CFAP47: variants seen among roughly 807,000 people sequenced by gnomAD.
CFAP47 encodes cilia- and flagella-associated protein 47.
A neutral mutation model predicts 148.1 loss-of-function variants in CFAP47; 29 were observed. The ratio of observed to expected loss-of-function variants is 0.20; its 90% CI spans 0.15 to 0.27. The LOEUF is 0.27. Among genes scored for constraint, CFAP47 ranks in the 10% least tolerant of loss-of-function variants. CFAP47 has a pLI of 1.00. For missense variants in CFAP47, 1,872 were observed against 1,697.5 expected (o/e 1.10, Z -1.81); for synonymous variants, 664 against 577.3 (o/e 1.15, Z -2.15).
intron 21 of CFAP47, among the ~76,000 whole-genome samples, chrX:36,012,678 T>A (rs1377900825): frequency 3.6e-5 from 4 of 110,496 alleles, no homozygotes; most frequent in African/African-American, 1.3e-4. Context: ...TTGGAGGGCA[T>A]GGGGAGGGAG....
intron 42 of CFAP47, among the ~76,000 whole-genome samples, chrX:36,191,619 T>A (rs1906338160): frequency 9.0e-6 from 1 of 111,468 alleles, no homozygotes; most frequent in Non-Finnish European, 1.9e-5. Context: ...ATATAATAGT[T>A]AATCAAACAT....
intron 35 of CFAP47, 67 bp downstream of exon 35, chrX:36,138,531 A>G: frequency 9.5e-7 from 1 of 1,053,162 alleles, no homozygotes; most frequent in Non-Finnish European, 1.2e-6. Context: ...TTGCTCATTT[A>G]TAATATTGCT....
chrX:35,985,416 G>A (rs1936701003), intron 15 of CFAP47, among the ~76,000 whole-genome samples: 2 of 111,284 alleles, frequency 1.8e-5, no homozygotes, highest in Non-Finnish European at 3.8e-5. Flanking sequence ...AGATCTGCCT[G>A]CACACATGTC....
chrX:36,003,375 A>G (rs1490314805), intron 21 of CFAP47, among the ~76,000 whole-genome samples: 1 of 107,823 alleles, frequency 9.3e-6, no homozygotes, highest in East Asian at 2.9e-4. Flanking sequence ...TGTAAGGAAC[A>G]TTGGTCTGTA....
chrX:36,050,817 A>C (rs1937516763), intron 26 of CFAP47, among the ~76,000 whole-genome samples: 1 of 111,870 alleles, frequency 8.9e-6, no homozygotes, highest in Non-Finnish European at 1.9e-5. Context: ...TAAGAGGGAA[A>C]AATGGTTTCC....
chrX:35,924,046 T>C lies in CFAP47; in HGVS notation c.250-1971T>C, dbSNP rs761253703. 2.5e-4 allele frequency among the ~76,000 whole-genome samples: 24 copies of C among 94,690 alleles called. 2 individuals are homozygous for C. The highest frequency in any genetic ancestry group is 1.0e-3 in the African/African-American group (23 of 22,452). The allele number at this position is 94,690 out of a possible 115,157, so 82.2% of individuals were successfully genotyped here. On this transcript the variant is annotated intron_variant, in intron 1 of 63. Transcript: ENST00000378653. ...ACATATATATGCACATATATGTGTA[T>C]ATGTACATGTATGCGCACATATATG...
intron 33 of CFAP47, among the ~76,000 whole-genome samples, chrX:36,111,682 G>A (rs917088247): frequency 9.0e-6 from 1 of 111,724 alleles, no homozygotes; most frequent in Non-Finnish European, 1.9e-5. Context: ...CAGTAGAAAT[G>A]ATACCAGCTC....
rs889163962 is a variant in CFAP47, at chrX:36,149,113, A to G, written c.5676A>G (p.Leu1892=). 3 of 294,371 alleles carry G rather than the reference A, an allele frequency of 1.0e-5. No homozygotes were observed. The highest frequency in any genetic ancestry group is 4.8e-5 in the East Asian group (1 of 20,861). 24.3% of individuals were successfully genotyped at this position (294,371 alleles called of 1,213,427 possible). A position where few individuals can be genotyped will look rare whatever the true frequency, so the allele number is the denominator to read the frequency against. ...TLHDTVLNKI[L]LKNSSSRNLV... ...CCTCTTCTACTTCTACATAGATTCT[A>G]CTGAAAAATTCCAGCTCGCGAAACT... is the stretch of plus-strand genomic sequence containing the variant. The change falls in exon 37 of 64, where the codon CTA becomes CTG. Residue 1892 remains leucine, a synonymous_variant. Coordinates refer to ENST00000378653, the MANE Select transcript of CFAP47 (RefSeq NM_001304548.2).
intron 51 of CFAP47, among the ~76,000 whole-genome samples, chrX:36,297,792 T>C (rs1344676632): frequency 8.9e-6 from 1 of 112,192 alleles, no homozygotes; most frequent in Non-Finnish European, 1.9e-5. Flanking sequence ...GATGCTAAGA[T>C]ACGTTGCTAC....
chrX:36,243,251 A>C (rs1940568386), intron 48 of CFAP47, among the ~76,000 whole-genome samples: 1 of 111,249 alleles, frequency 9.0e-6, no homozygotes, highest in South Asian at 3.8e-4. Flanking sequence ...TAGCCCATAG[A>C]CATTATAAAA....
At chrX:36,017,671 T>C (rs1006519219) in intron 22 of CFAP47, among the ~76,000 whole-genome samples, 1 of 112,006 alleles carries the variant, frequency 8.9e-6, no homozygotes, top group African/African-American at 3.2e-5. Context: ...TCTTGGCTTT[T>C]TTGTTGAAAA....
intron 33 of CFAP47, among the ~76,000 whole-genome samples, chrX:36,133,270 T>C (rs1279590420): frequency 9.0e-6 from 1 of 111,128 alleles, no homozygotes; most frequent in Admixed American, 9.6e-5. Flanking sequence ...GTACCTAGTG[T>C]AGGGGCAGGC....
chrX:36,215,254 G>A (rs988814704), intron 45 of CFAP47, among the ~76,000 whole-genome samples: 1 of 111,496 alleles, frequency 9.0e-6, no homozygotes, highest in Non-Finnish European at 1.9e-5. Context: ...GTACCCTTGA[G>A]CCATCAATGT....
intron 27 of CFAP47, among the ~76,000 whole-genome samples, chrX:36,066,213 A>C (rs1937637985): frequency 9.0e-6 from 1 of 111,156 alleles, no homozygotes; most frequent in Non-Finnish European, 1.9e-5. Context: ...GAGCAGGGAG[A>C]AATATGAAAG....
rs1288628385 is a variant in CFAP47 at position 36,201,246 on chromosome X, T to A, written c.6437-28T>A. On this transcript the variant is annotated intron_variant, in intron 43 of 63. Transcript: ENST00000378653. ...GTCAAGGGCATAAATGTTCATTGTA[T>A]TCATTAATATTTTTTTTCTTCCTCC... 2.3e-4 allele frequency: 69 copies of A among 295,562 alleles called. No homozygotes were observed. In the East Asian group the frequency reaches 3.3e-3, roughly 14 times the overall value. The allele number at this position is 295,562 out of a possible 1,213,427, so 24.4% of individuals were successfully genotyped here. A position where few individuals can be genotyped will look rare whatever the true frequency, so the allele number is the denominator to read the frequency against.
rs759229364 is a variant in CFAP47, at chrX:36,099,738, T to A, written c.4999-13T>A. On this transcript the variant is annotated splice_polypyrimidine_tract_variant and intron_variant, in intron 31 of 63. Transcript: ENST00000378653. ...AAATTTTAATTAATGTTGTACTATT[T>A]TATTTCTTAAAGTCTTCCACTAATA... 3.8e-6 allele frequency: 3 copies of A among 794,450 alleles called. No individual in the cohort carries two copies. The South Asian group carries it at 7.2e-5, about 19-fold the overall frequency. The allele number at this position is 794,450 out of a possible 1,213,427, so 65.5% of individuals were successfully genotyped here.
At chrX:36,360,380 A>G (rs1941818787) in intron 60 of CFAP47, among the ~76,000 whole-genome samples, 1 of 111,529 alleles carries the variant, frequency 9.0e-6, no homozygotes, top group African/African-American at 3.3e-5. Context: ...GACTGGGGAC[A>G]CATCTGGCGC....
chrX:35,947,836 C>T (rs1936105693), intron 3 of CFAP47, among the ~76,000 whole-genome samples: 1 of 111,495 alleles, frequency 9.0e-6, no homozygotes, highest in Admixed American at 9.5e-5. Context: ...AATTAAATAA[C>T]CTATGCAGAG....
intron 57 of CFAP47, among the ~76,000 whole-genome samples, chrX:36,341,973 A>G (rs1941657202): frequency 9.0e-6 from 1 of 111,175 alleles, no homozygotes; most frequent in Non-Finnish European, 1.9e-5. Context: ...GTTAAATTAT[A>G]TAGTGACTGT....
Sources: allele counts gnomAD v4.1 joint callset (sites outside exome capture counted in the v4.1 genomes callset), GRCh38; gene constraint gnomAD v4.1.1; transcripts MANE v1.5; gene names NCBI Gene and HGNC (gene_info 2026-07-23, HGNC 2026-07-21).